Variants in OSER1 observed in about 807,000 individuals in gnomAD.
OSER1 encodes oxidative stress responsive serine rich 1, also known as oxidative stress-responsive serine-rich protein 1.
Under a neutral mutation model 26.3 loss-of-function variants are expected in OSER1, and 15 were observed. The observed-to-expected ratio is 0.57, with a 90% CI of 0.38 to 0.88. The LOEUF (loss-of-function observed/expected upper bound fraction) is 0.88, where lower values mean the gene tolerates loss of function less well. Among genes scored for constraint, OSER1 ranks in the 40% least tolerant of loss-of-function variants. OSER1 has a pLI of 0.00. For synonymous variants in OSER1, 127 were observed against 128.2 expected (o/e 0.99, Z 0.07); for missense variants, 313 against 353.9 (o/e 0.88, Z 0.93).
At chr20:44,206,603 T>C (rs1484526209) in intron 2 of OSER1, among the ~76,000 whole-genome samples, 3 of 152,078 alleles carry the variant, frequency 2.0e-5, no homozygotes, top group Non-Finnish European at 2.9e-5. Flanking sequence ...AATCTTTGAT[T>C]AAAAAGAAGT....
intron 3 of OSER1, among the ~76,000 whole-genome samples, chr20:44,201,492 G>A (rs1453581696): frequency 6.6e-6 from 1 of 152,108 alleles, no homozygotes; most frequent in Non-Finnish European, 1.5e-5. Context: ...AACTACTTTA[G>A]GAAAAAAGTA....
At chr20:44,198,101 A>C (rs1015487666) in intron 3 of OSER1, among the ~76,000 whole-genome samples, 1 of 152,222 alleles carries the variant, frequency 6.6e-6, no homozygotes, top group African/African-American at 2.4e-5. Context: ...GATCCTGTGA[A>C]GCCTAAATAT....
intron 1 of OSER1, among the ~76,000 whole-genome samples, chr20:44,209,821 C>T (rs1268019640): frequency 2.0e-5 from 3 of 152,154 alleles, no homozygotes; most frequent in Middle Eastern, 3.2e-3. Context: ...TTCCAGGCCC[C>T]TGAGAAGACC....
intron 3 of OSER1, 130 bp from the exon 4 acceptor site, chr20:44,197,869 A>T (rs1673800399): frequency 1.6e-6 from 1 of 615,444 alleles, no homozygotes; most frequent in Non-Finnish European, 2.8e-6. Context: ...CCTGCAAGAG[A>T]TGCACCTTCC....
At chr20:44,198,678 G>C (rs1485246632) in intron 3 of OSER1, among the ~76,000 whole-genome samples, 2 of 151,624 alleles carry the variant, frequency 1.3e-5, no homozygotes, top group Non-Finnish European at 2.9e-5. Flanking sequence ...TGAATGAAAA[G>C]AAAAGATACT....
At chr20:44,206,472 TCA>T (rs2073038693) in intron 2 of OSER1, among the ~76,000 whole-genome samples, 1 of 152,170 alleles carries the variant, frequency 6.6e-6, no homozygotes, top group African/African-American at 2.4e-5. Flanking sequence ...GACTGAGCAA[TCA>T]CAGACCATGA....
intron 3 of OSER1, among the ~76,000 whole-genome samples, 165 bp from the exon 4 acceptor site, chr20:44,197,904 T>G (rs1052134961): frequency 6.6e-6 from 1 of 152,186 alleles, no homozygotes; most frequent in Non-Finnish European, 1.5e-5. Flanking sequence ...GCCTAAGTCT[T>G]TGTGTCTCAA....
intron 2 of OSER1, among the ~76,000 whole-genome samples, chr20:44,204,861 A>G (rs2073023114): frequency 6.6e-6 from 1 of 151,408 alleles, no homozygotes; most frequent in East Asian, 1.9e-4. Context: ...TTTTTGAGAC[A>G]GGGTCTCGCT....
intron 3 of OSER1, among the ~76,000 whole-genome samples, chr20:44,201,646 A>G (rs915856006): frequency 6.6e-6 from 1 of 152,234 alleles, no homozygotes; most frequent in Non-Finnish European, 1.5e-5. Flanking sequence ...AATATTGGGC[A>G]ACTATATCAT....
intron 3 of OSER1, 69 bp downstream of exon 3, chr20:44,202,892 C>A: frequency 1.2e-6 from 1 of 840,306 alleles, no homozygotes; most frequent in Non-Finnish European, 2.0e-6. Context: ...CTTTTCTGGA[C>A]ACTCAGAAAG....
At chr20:44,207,942 T>C (rs1476014811) in intron 1 of OSER1, among the ~76,000 whole-genome samples, 1 of 152,146 alleles carries the variant, frequency 6.6e-6, no homozygotes, top group African/African-American at 2.4e-5. Context: ...CCAAATTATT[T>C]TTTCACTCAG....
intron 3 of OSER1, 121 bp downstream of exon 3, chr20:44,202,840 C>T (rs1022143609): frequency 7.6e-6 from 4 of 525,760 alleles, no homozygotes; most frequent in African/African-American, 7.6e-5. Context: ...AATAGGTCCT[C>T]ATCTAATCAT....
At chr20:44,198,646 A>T (rs6065709) in intron 3 of OSER1, among the ~76,000 whole-genome samples, 23,471 of 151,706 alleles carry the variant, frequency 0.15, 2,380 homozygotes, top group Non-Finnish European at 0.22. Context: ...TAAATAAAAT[A>T]AAATAAAATT....
Position 44,197,022 on chromosome 20 carries a change from G to A in OSER1, c.*30C>T, listed in dbSNP as rs753821650. The A allele has an allele frequency of 6.6e-7, 1 of 1,505,774 alleles. No individual in the cohort carries two copies. Among genetic ancestry groups the A allele is most frequent in the Non-Finnish European group, 9.2e-7 (1 of 1,085,210 alleles). The allele number at this position is 1,505,774 out of a possible 1,614,324, so 93.3% of individuals were successfully genotyped here. On this transcript the variant is annotated 3_prime_UTR_variant, in exon 4 of 4. Transcript: ENST00000255174. ...AAATCTCTTTGACAAGCCTTCATTG[G>A]TTTAAAGCATATGAATTAGCTTCTT... is the stretch of plus-strand genomic sequence containing the variant.
At position 44,197,672 on chromosome 20, in the gene OSER1, G is replaced by T. The variant is rs773228353; in HGVS notation, c.259C>A (p.Leu87Ile). 4.3e-6 allele frequency: 7 copies of T among 1,613,856 alleles called. 1 individual carries two copies. In the Admixed American group the frequency reaches 1.2e-4, roughly 27 times the overall value. ...QRRRRSKSPV[L>I]HPPKFIHCST... ...CAATGTATAAACTTTGGAGGATGAA[G>T]GACAGGAGACTTAGAACGTCGACGA... The change falls in exon 4 of 4, where the codon CTT (leucine) becomes ATT (isoleucine). Residue 87 changes from leucine (L) to isoleucine (I), a missense_variant. Coordinates refer to ENST00000255174, the MANE Select transcript of OSER1 (RefSeq NM_016470.8).
chr20:44,201,557 A>G (rs1253633545), intron 3 of OSER1, among the ~76,000 whole-genome samples: 1 of 152,212 alleles, frequency 6.6e-6, no homozygotes, highest in Non-Finnish European at 1.5e-5. Context: ...AGAAGATATA[A>G]GCAAACAGAA....
At chr20:44,203,879 T>C (rs2073012852) in intron 2 of OSER1, among the ~76,000 whole-genome samples, 1 of 152,222 alleles carries the variant, frequency 6.6e-6, no homozygotes, top group Non-Finnish European at 1.5e-5. Flanking sequence ...AAAAATACTG[T>C]ATTTCTAAAT....
Position 44,197,363 on chromosome 20 carries a change from T to C in OSER1, c.568A>G (p.Lys190Glu). Residue 190 changes from lysine (K) to glutamate (E), a missense_variant, in exon 4 of 4, where the codon AAG (lysine) becomes GAG (glutamate). By Grantham distance (56) the Lys-to-Glu change is moderately conservative. This residue lies in a region of OSER1 where 300 missense variants were observed against 318.3 expected (regional missense o/e 0.94). Transcript: ENST00000255174. ...GTGCATGGCTTGCCCTGGTTTAGCT[T>C]GGAAACTGATTGAAAGTCAGAGAGA... ...SDLSDFQSVS[K>E]LNQGKPCTCI... is the part of the protein sequence containing the mutation. 1 of 1,614,246 alleles carries C rather than the reference T, an allele frequency of 6.2e-7. No homozygotes were observed. The highest frequency in any genetic ancestry group is 1.1e-5 in the South Asian group (1 of 91,086).
intron 1 of OSER1, among the ~76,000 whole-genome samples, chr20:44,209,600 C>G (rs891819756): frequency 4.3e-5 from 6 of 139,432 alleles, no homozygotes; most frequent in African/African-American, 1.9e-4. Context: ...TTTAAAAAGC[C>G]TATTCGAAGT....
Sources: gnomAD v4.1 joint callset for allele counts (sites outside exome capture counted in the v4.1 genomes callset) on GRCh38, gnomAD v4.1.1 for gene constraint, gnomAD v4.1.1 regional missense constraint, MANE v1.5 for transcripts, NCBI Gene and HGNC (gene_info 2026-07-23, HGNC 2026-07-21) for gene names.